Variants in RIPOR1 observed in about 807,000 individuals in gnomAD.
RIPOR1 encodes the protein rho family-interacting cell polarization regulator 1.
Under a neutral mutation model 116.5 loss-of-function variants are expected in RIPOR1, and 58 were observed. The observed-to-expected ratio is 0.50, with a 90% CI of 0.40 to 0.62. The LOEUF is 0.62. Among genes scored for constraint, RIPOR1 ranks in the 20% least tolerant of loss-of-function variants. The probability of loss-of-function intolerance (pLI) is 0.00; values close to 1 mark genes in which losing one functional copy is unlikely to be tolerated. For missense variants in RIPOR1, 1,372 were observed against 1,586.2 expected (o/e 0.86, Z 2.29); for synonymous variants, 605 against 650.0 (o/e 0.93, Z 1.05).
rs1470141035 is a variant in RIPOR1 at position 67,542,255 on chromosome 16, A to G, written c.1469A>G (p.His490Arg). 3.7e-6 allele frequency: 6 copies of G among 1,613,196 alleles called. No homozygotes were observed. Among genetic ancestry groups the G allele is most frequent in the Non-Finnish European group, 4.2e-6 (5 of 1,179,588 alleles). ...CACCCAGCTCCCACCCATGGAGAGC[A>G]CCCCAGTCCTGTTCCTCCTGCCCTG... ...PTHPAPTHGE[H>R]PSPVPPALDP... The change falls in exon 13 of 22, where the codon CAC becomes CGC. Residue 490 changes from histidine (H) to arginine (R), a missense_variant. Physicochemically the swap from His to Arg is conservative, Grantham distance 29. Around this residue, in one of 3 missense-constraint regions of RIPOR1, gnomAD observed 1,005 missense variants for 1,144.7 expected, o/e 0.88. Coordinates refer to ENST00000042381, the MANE Select transcript of RIPOR1 (RefSeq NM_024519.4). The surrounding 1 kb of genome is among the most constrained non-coding windows in gnomAD (Gnocchi z 4.6).
Position 67,530,106 on chromosome 16 carries a change from C to T in RIPOR1, c.-24+1192C>T, listed in dbSNP as rs1044179757. ...GAGCAAGGTGAGCCGCCCCAGGGGT[C>T]TGGGTTTGGGTGCGGGTGAGGGGAG... On this transcript the variant is annotated intron_variant, in intron 1 of 21. Transcript: ENST00000042381. The surrounding 1 kb of genome is among the most constrained non-coding windows in gnomAD (Gnocchi z 4.5). 5.2e-6 allele frequency: 3 copies of T among 579,706 alleles called. No homozygotes were observed. The highest frequency in any genetic ancestry group is 6.2e-6 in the Non-Finnish European group (2 of 322,396). The allele number at this position is 579,706 out of a possible 1,614,324, so 35.9% of individuals were successfully genotyped here.
chr16:67,544,587 A>G lies in RIPOR1; in HGVS notation c.2734-108A>G, dbSNP rs2142606940. On this transcript the variant is annotated intron_variant, in intron 15 of 21. Transcript: ENST00000042381. The surrounding 1 kb of genome is among the most constrained non-coding windows in gnomAD (Gnocchi z 5.1). Reference sequence around the variant, plus strand: ...CCCTTGCTGAATGGAGTATCTCCCAACTCTGCAACCCCAACCTCCCCCAGT... The same window carrying G: ...CCCTTGCTGAATGGAGTATCTCCCAGCTCTGCAACCCCAACCTCCCCCAGT... 1 of 1,563,070 alleles carries G rather than the reference A, an allele frequency of 6.4e-7. No individual in the cohort carries two copies. The highest frequency in any genetic ancestry group is 2.3e-5 in the East Asian group (1 of 44,340).
Position 67,540,108 on chromosome 16 carries a change from A to G in RIPOR1, c.470A>G (p.Tyr157Cys), listed in dbSNP as rs979689078. The G allele has an allele frequency of 6.2e-7, 1 of 1,614,160 alleles. No homozygotes were observed. The highest frequency in any genetic ancestry group is 8.5e-7 in the Non-Finnish European group (1 of 1,180,018). The change falls in exon 7 of 22, where the codon TAC (tyrosine) becomes TGC (cysteine). Residue 157 changes from tyrosine to cysteine, a missense_variant. Coordinates refer to ENST00000042381, the MANE Select transcript of RIPOR1 (RefSeq NM_024519.4). This position sits in a 1 kb window ranked among gnomAD's most constrained non-coding sequence, Gnocchi z 4.7. ...CVQRRLRDGAYNMVRAYTTGS... is the reference protein window; with the variant it reads ...CVQRRLRDGACNMVRAYTTGS... The stretch of plus-strand genomic sequence containing the variant: ...CAGCGGCGTCTCCGGGATGGTGCCT[A>G]CAACATGGTCCGTGCCTACACCACT...
intron 1 of RIPOR1, among the ~76,000 whole-genome samples, chr16:67,535,629 G>T (rs1041737535): frequency 6.6e-6 from 1 of 152,222 alleles, no homozygotes; most frequent in Non-Finnish European, 1.5e-5. Context: ...TTGGCACAAG[G>T]TTGCCACTCA....
chr16:67,523,206 G>A (rs1185773125), intron 1 of RIPOR1, among the ~76,000 whole-genome samples: 1 of 152,014 alleles, frequency 6.6e-6, no homozygotes, highest in Non-Finnish European at 1.5e-5. Context: ...TCAGGCCTAT[G>A]TGCACCTCCT....
intron 1 of RIPOR1, among the ~76,000 whole-genome samples, chr16:67,521,666 C>G (rs2050496050): frequency 6.6e-6 from 1 of 152,178 alleles, no homozygotes; most frequent in Admixed American, 6.5e-5. Context: ...GCCCAGCTCA[C>G]AGCTCCCCCT....
rs765255033 is a variant in RIPOR1, at chr16:67,539,040, T to TA, written c.310dup (p.Arg104LysfsTer14). ...GAGCAAGAGAAACTCCAGGGGCAGA[T>TA]AAGGGAGTCCAAGAGGAATTCCCGC... On this transcript the variant is annotated frameshift_variant, in exon 4 of 22. Transcript: ENST00000042381. LOFTEE classifies it high-confidence loss of function. 2 of 1,613,430 alleles carry TA rather than the reference T, an allele frequency of 1.2e-6. No individual in the cohort carries two copies. The highest frequency in any genetic ancestry group is 1.7e-6 in the Non-Finnish European group (2 of 1,179,852).
Position 67,546,205 on chromosome 16 carries a change from C to T in RIPOR1, c.3536C>T (p.Ala1179Val). The change falls in exon 21 of 22, where the codon GCT becomes GTT. Residue 1179 changes from alanine to valine, a missense_variant. Coordinates refer to ENST00000042381, the MANE Select transcript of RIPOR1 (RefSeq NM_024519.4). ...ACTGACACAGAAGCTGTGAGGGAAG[C>T]TGCCCGGCAAAGCCTACAGCAGTGT... ...CQTDTEAVREAARQSLQQCGE... is the reference protein window; with the variant it reads ...CQTDTEAVREVARQSLQQCGE... 1 of 1,614,126 alleles carries T rather than the reference C, an allele frequency of 6.2e-7. No individual in the cohort carries two copies.
At chr16:67,527,690 C>T (rs752831625), upstream of RIPOR1, among the ~76,000 whole-genome samples, 4 of 152,134 alleles carry the variant, frequency 2.6e-5, no homozygotes, top group Non-Finnish European at 5.9e-5. Flanking sequence ...TCCTGGCTAA[C>T]ATGGTGAAAC....
chr16:67,538,379 T>C (rs1455191408), intron 1 of RIPOR1, 45 bp from the exon 2 acceptor site: 23 of 1,525,362 alleles, frequency 1.5e-5, no homozygotes, highest in Non-Finnish European at 2.0e-5. Context: ...GGGAGAGGGC[T>C]TCGGGGATCC....
intron 1 of RIPOR1, among the ~76,000 whole-genome samples, chr16:67,520,469 G>T (rs1354939211): frequency 7.9e-6 from 1 of 127,000 alleles, no homozygotes; most frequent in Admixed American, 7.1e-5. Flanking sequence ...AGAGAAAAAA[G>T]AAAAGAGGCC....
intron 21 of RIPOR1, 31 bp from the exon 22 acceptor site, chr16:67,546,335 C>G (rs2051167514): frequency 3.1e-6 from 5 of 1,607,774 alleles, no homozygotes. Context: ...GGGGCTAGGG[C>G]CACCCTTGAC....
intron 3 of RIPOR1, 32 bp from the exon 4 acceptor site, chr16:67,538,957 CG>C (rs1407341172): frequency 6.2e-7 from 1 of 1,612,878 alleles, no homozygotes; most frequent in East Asian, 2.2e-5. Flanking sequence ...GCTGGAGAGC[CG>C]AGTTCATTCT....
At chr16:67,522,481 C>T (rs1197289712) in intron 1 of RIPOR1, among the ~76,000 whole-genome samples, 1 of 151,770 alleles carries the variant, frequency 6.6e-6, no homozygotes, top group Non-Finnish European at 1.5e-5. Flanking sequence ...AGATCACAGG[C>T]GTGAGCCACC....
In RIPOR1 at chr16:67,544,572, A is replaced by G. The variant is rs1287765968; in HGVS notation, c.2734-123A>G. On this transcript the variant is annotated intron_variant, in intron 15 of 21. Coordinates refer to ENST00000042381, the MANE Select transcript of RIPOR1 (RefSeq NM_024519.4). This position sits in a 1 kb window ranked among gnomAD's most constrained non-coding sequence, Gnocchi z 5.1. ...GCCCTTGGCATCTGGCCCTTGCTGA[A>G]TGGAGTATCTCCCAACTCTGCAACC... 3 of 1,540,380 alleles carry G rather than the reference A, an allele frequency of 1.9e-6. No homozygotes were observed. The highest frequency in any genetic ancestry group is 3.4e-5 in the Admixed American group (2 of 58,094).
At chr16:67,538,330 G>T (rs113729483) in intron 1 of RIPOR1, 94 bp from the exon 2 acceptor site, 75,430 of 1,458,280 alleles carry the variant, frequency 0.052, 2,133 homozygotes, top group Non-Finnish European at 0.058. Flanking sequence ...TGTGCCTAGC[G>T]ACAGGAAAGA....
In RIPOR1 at chr16:67,531,592, C is replaced by T. The variant is rs1398387760; in HGVS notation, c.-24+2678C>T. The T allele has an allele frequency of 2.4e-5, 11 of 454,004 alleles. No individual in the cohort carries two copies. Among genetic ancestry groups the T allele is most frequent in the Non-Finnish European group, 4.4e-5 (10 of 225,946 alleles). The allele number at this position is 454,004 out of a possible 1,614,324, so 28.1% of individuals were successfully genotyped here. Reference sequence around the variant, plus strand: ...GAGTAGTGGGAAGAAGGAATAGGAGCGATGGGGGCTGCCGGTCAGATTCTG... The same window carrying T: ...GAGTAGTGGGAAGAAGGAATAGGAGTGATGGGGGCTGCCGGTCAGATTCTG... On this transcript the variant is annotated intron_variant, in intron 1 of 21. Coordinates refer to ENST00000042381, the MANE Select transcript of RIPOR1 (RefSeq NM_024519.4). The surrounding 1 kb of genome is among the most constrained non-coding windows in gnomAD (Gnocchi z 4.2).
At position 67,530,506 on chromosome 16, in the gene RIPOR1, C is replaced by A. The variant is rs1411682549; in HGVS notation, c.-24+1592C>A. 6.6e-6 allele frequency among the ~76,000 whole-genome samples: 1 copy of A among 152,162 alleles called. No homozygotes were observed. The highest frequency in any genetic ancestry group is 1.5e-5 in the Non-Finnish European group (1 of 68,002). On this transcript the variant is annotated intron_variant, in intron 1 of 21. Coordinates refer to ENST00000042381, the MANE Select transcript of RIPOR1 (RefSeq NM_024519.4). The surrounding 1 kb of genome is among the most constrained non-coding windows in gnomAD (Gnocchi z 4.5). ...TTCTCCCTTGCAGCCGCCCCTTGCC[C>A]AGGTTATTTTTAGCCTCTGTTTACC... is the stretch of plus-strand genomic sequence containing the variant.
upstream of RIPOR1, among the ~76,000 whole-genome samples, chr16:67,526,726 T>C (rs1259332103): frequency 1.3e-5 from 2 of 152,204 alleles, no homozygotes. Flanking sequence ...CACTGCTGCC[T>C]GGCCATGGTG....
Sources: allele counts gnomAD v4.1 joint callset (sites outside exome capture counted in the v4.1 genomes callset), GRCh38; gene constraint gnomAD v4.1.1; regional missense constraint gnomAD v4.1.1; non-coding constraint Gnocchi (gnomAD v3.1); transcripts MANE v1.5; gene names NCBI Gene and HGNC (gene_info 2026-07-23, HGNC 2026-07-21).